EPM2A: variants seen among roughly 807,000 people sequenced by gnomAD.
The protein encoded by EPM2A is EPM2A glucan phosphatase, laforin.
A neutral mutation model predicts 26.5 loss-of-function variants in EPM2A; 21 were observed. That is an observed-to-expected ratio of 0.79 (90% CI 0.56 to 1.14). EPM2A has a LOEUF of 1.14. EPM2A is among the 50% of genes most tolerant of loss of function. The pLI is 0.00. For missense variants in EPM2A, 458 were observed against 440.8 expected (o/e 1.04, Z -0.35); for synonymous variants, 217 against 177.6 (o/e 1.22, Z -1.76).
At chr6:145,525,985 A>G (rs2114778592) in intron 2 of EPM2A, among the ~76,000 whole-genome samples, 1 of 152,010 alleles carries the variant, frequency 6.6e-6, no homozygotes, top group South Asian at 2.1e-4. Context: ...TAGTTTGTTG[A>G]AGGTTCTTTA....
chr6:145,589,987 C>T (rs973250238), intron 2 of EPM2A, among the ~76,000 whole-genome samples: 6 of 151,860 alleles, frequency 4.0e-5, no homozygotes, highest in Non-Finnish European at 5.9e-5. Flanking sequence ...TTCAGAGAAT[C>T]GAGGTCATAG....
At chr6:145,583,199 T>A (rs1299147265) in intron 2 of EPM2A, among the ~76,000 whole-genome samples, 2 of 152,228 alleles carry the variant, frequency 1.3e-5, no homozygotes, top group Non-Finnish European at 2.9e-5. Flanking sequence ...GCTGTGGAAC[T>A]AGTGTGGTCA....
chr6:145,470,498 T>G (rs1779459773), intron 4 of EPM2A, among the ~76,000 whole-genome samples: 1 of 152,172 alleles, frequency 6.6e-6, no homozygotes, highest in Non-Finnish European at 1.5e-5. Context: ...AATATTCCAT[T>G]TAAAATTGAC....
At chr6:145,450,563 T>C (rs896112705) in intron 4 of EPM2A, among the ~76,000 whole-genome samples, 2 of 152,140 alleles carry the variant, frequency 1.3e-5, no homozygotes, top group Admixed American at 6.5e-5. Flanking sequence ...TCCCTGACTT[T>C]GGAAGTTTTC....
intron 1 of EPM2A, among the ~76,000 whole-genome samples, chr6:145,711,723 T>A (rs1393200914): frequency 2.0e-5 from 3 of 152,140 alleles, no homozygotes; most frequent in Non-Finnish European, 4.4e-5. Flanking sequence ...TTAAATCAAA[T>A]GTTTTTTAGA....
At chr6:145,482,170 G>C (rs529104767) in intron 4 of EPM2A, among the ~76,000 whole-genome samples, 148 of 152,282 alleles carry the variant, frequency 9.7e-4, no homozygotes, top group Middle Eastern at 3.4e-3. Flanking sequence ...ATTTGCAAAT[G>C]ATAATTTCAG....
chr6:145,406,754 C>T (rs1019418585), intron 4 of EPM2A, among the ~76,000 whole-genome samples: 1 of 152,086 alleles, frequency 6.6e-6, no homozygotes, highest in East Asian at 1.9e-4. Context: ...CAGAGATAGG[C>T]GAAAGCAATG....
intron 4 of EPM2A, among the ~76,000 whole-genome samples, chr6:145,462,666 C>A (rs1411212952): frequency 6.6e-6 from 1 of 152,114 alleles, no homozygotes; most frequent in Admixed American, 6.6e-5. Flanking sequence ...CCAGCCAGAA[C>A]CCAGTAAGTC....
At chr6:145,715,608 G>C (rs1775572338) in intron 1 of EPM2A, among the ~76,000 whole-genome samples, 1 of 152,182 alleles carries the variant, frequency 6.6e-6, no homozygotes, top group Non-Finnish European at 1.5e-5. Context: ...AGTGAGCAAA[G>C]CTTCATCTGT....
downstream of EPM2A, among the ~76,000 whole-genome samples, chr6:145,499,792 T>C (rs1779864330): frequency 1.3e-5 from 2 of 152,314 alleles, no homozygotes; most frequent in African/African-American, 2.4e-5. Flanking sequence ...GTCTTTATAA[T>C]GGTTGTAAGG....
chr6:145,715,827 T>C (rs1775586253), intron 1 of EPM2A, among the ~76,000 whole-genome samples: 1 of 152,186 alleles, frequency 6.6e-6, no homozygotes, highest in South Asian at 2.1e-4. Flanking sequence ...GACCATCTAA[T>C]TGCAGGAAAA....
At chr6:145,663,208 A>T (rs991951598) in intron 2 of EPM2A, among the ~76,000 whole-genome samples, 1 of 152,214 alleles carries the variant, frequency 6.6e-6, no homozygotes, top group Non-Finnish European at 1.5e-5. Flanking sequence ...GGGGTATAGC[A>T]ATGGAAATGA....
intron 2 of EPM2A, among the ~76,000 whole-genome samples, chr6:145,550,152 G>A (rs953642063): frequency 3.3e-5 from 5 of 152,014 alleles, no homozygotes. Flanking sequence ...GCAAATGCAG[G>A]GAGAGACTTT....
chr6:145,547,964 C>A lies in EPM2A; in HGVS notation c.341-45389G>T, dbSNP rs191363365. Among the ~76,000 whole-genome samples the A allele has an allele frequency of 5.9e-5, 9 of 152,010 alleles. No homozygotes were observed. The East Asian group carries it at 1.8e-3, about 30-fold the overall frequency. Reference sequence around the variant, plus strand: ...TTATTTTATAAATCCTAGTAACGACCCCAAAACTAATATTCTATGACTTTC... The same window carrying A: ...TTATTTTATAAATCCTAGTAACGACACCAAAACTAATATTCTATGACTTTC... On this transcript the variant is annotated intron_variant, in intron 2 of 3. Transcript: ENST00000450221.
intron 4 of EPM2A, chr6:145,463,314 G>A (rs1779349137): frequency 6.6e-6 from 1 of 151,804 alleles, no homozygotes; most frequent in South Asian, 2.1e-4. Context: ...AAGTCACAGG[G>A]GTCAGAACAT....
At chr6:145,420,258 T>C (rs1036235538) in intron 4 of EPM2A, among the ~76,000 whole-genome samples, 1 of 152,188 alleles carries the variant, frequency 6.6e-6, no homozygotes, top group African/African-American at 2.4e-5. Flanking sequence ...TTCTTTGATA[T>C]GATACTCTTT....
chr6:145,700,845 T>C (rs1360960516), intron 1 of EPM2A, among the ~76,000 whole-genome samples: 1 of 152,214 alleles, frequency 6.6e-6, no homozygotes, highest in Non-Finnish European at 1.5e-5. Context: ...CTAAATAATT[T>C]AGTAAAACAC....
At chr6:145,718,719 C>A (rs1021051794) in intron 1 of EPM2A, among the ~76,000 whole-genome samples, 2 of 152,160 alleles carry the variant, frequency 1.3e-5, no homozygotes, top group Non-Finnish European at 2.9e-5. Flanking sequence ...GCAACCTACT[C>A]ATCTGACAAA....
intron 2 of EPM2A, among the ~76,000 whole-genome samples, chr6:145,520,027 A>T (rs1780182473): frequency 6.6e-6 from 1 of 152,138 alleles, no homozygotes; most frequent in South Asian, 2.1e-4. Flanking sequence ...CCATCCTTTA[A>T]GATTAGTTTT....
Sources: allele counts gnomAD v4.1 joint callset (sites outside exome capture counted in the v4.1 genomes callset), GRCh38; gene constraint gnomAD v4.1.1; transcripts MANE v1.5; gene names NCBI Gene and HGNC (gene_info 2026-07-23, HGNC 2026-07-21).